The following SUGCT variants were observed in gnomAD, a reference collection of about 807,000 sequenced individuals.
The protein encoded by SUGCT is succinyl-CoA:glutarate CoA-transferase.
A neutral mutation model predicts 55.0 loss-of-function variants in SUGCT; 41 were observed. The ratio of observed to expected loss-of-function variants is 0.74; its 90% CI spans 0.58 to 0.97. SUGCT has a LOEUF of 0.97. Among genes scored for constraint, SUGCT ranks in the 50% least tolerant of loss-of-function variants. SUGCT has a pLI of 0.00. For missense variants in SUGCT, 568 were observed against 547.8 expected, an observed-to-expected ratio of 1.04 and a Z score of -0.37; for synonymous variants, 187 against 200.4, an observed-to-expected ratio of 0.93 and a Z score of 0.56.
intron 1 of SUGCT, among the ~76,000 whole-genome samples, chr7:40,135,587 A>C (rs982325928): frequency 2.6e-5 from 4 of 152,262 alleles, no homozygotes; most frequent in African/African-American, 9.6e-5. Context: ...CTACAGTGTT[A>C]TAGAACTTTC....
intron 12 of SUGCT, among the ~76,000 whole-genome samples, chr7:40,573,259 C>T (rs867099723): frequency 1.3e-5 from 2 of 152,110 alleles, no homozygotes; most frequent in African/African-American, 2.4e-5. Context: ...CAGAAGAATC[C>T]GACAGGATTT....
At chr7:41,019,793 C>G in the SUGCT span, among the ~76,000 whole-genome samples, 1 of 152,102 alleles carries the variant, frequency 6.6e-6, no homozygotes, top group Non-Finnish European at 1.5e-5. Context: ...GTGGAAGAAA[C>G]AGAACTTCAA....
intron 12 of SUGCT, chr7:40,684,090 C>G (rs1172556007): frequency 1.2e-6 from 2 of 1,612,414 alleles, no homozygotes; most frequent in Non-Finnish European, 1.7e-6. Flanking sequence ...CTGCTGCATT[C>G]CTTGGCCCAT....
At chr7:40,490,475 G>C (rs1004022300) in intron 11 of SUGCT, among the ~76,000 whole-genome samples, 42 of 152,158 alleles carry the variant, frequency 2.8e-4, no homozygotes, top group Admixed American at 2.3e-3. Flanking sequence ...CACAGTGTGT[G>C]GTGCTGTTTT....
intron 13 of SUGCT, among the ~76,000 whole-genome samples, chr7:40,766,504 T>C (rs993852393): frequency 2.6e-5 from 4 of 152,190 alleles, no homozygotes; most frequent in Admixed American, 6.5e-5. Flanking sequence ...AATATATGGA[T>C]ATTCCTGTCA....
Position 40,194,960 on chromosome 7 carries a change from G to A in SUGCT, c.384G>A (p.Val128=). ...ATCAGCTTGCAGCTGTTTGTGATGT[G>A]TTTGTGGAAAACTATGTCCCTGGCA... ...IIKELAAVCD[V]FVENYVPGKL... Residue 128 remains valine, a synonymous_variant, in exon 6 of 14, where the codon GTG becomes GTA. Transcript: ENST00000335693. The A allele has an allele frequency of 6.2e-7, 1 of 1,613,622 alleles. No individual in the cohort carries two copies. The highest frequency in any genetic ancestry group is 8.5e-7 in the Non-Finnish European group (1 of 1,179,752).
intron 13 of SUGCT, among the ~76,000 whole-genome samples, chr7:40,788,992 G>T (rs1257591982): frequency 2.0e-5 from 3 of 152,212 alleles, no homozygotes; most frequent in Non-Finnish European, 4.4e-5. Context: ...CTTCAAGTGA[G>T]CCAGGAGACA....
chr7:40,390,804 A>G (rs1785383894), intron 9 of SUGCT, among the ~76,000 whole-genome samples: 1 of 152,202 alleles, frequency 6.6e-6, no homozygotes, highest in Admixed American at 6.5e-5. Flanking sequence ...ATATGGAACC[A>G]AAAAAGAGCC....
the SUGCT span, among the ~76,000 whole-genome samples, chr7:40,995,392 T>TTAC: frequency 6.7e-6 from 1 of 149,456 alleles, no homozygotes; most frequent in African/African-American, 2.5e-5. Flanking sequence ...GTTATTATTA[T>TTAC]TATTATTATT....
At chr7:40,672,591 G>C (rs1241994567) in intron 12 of SUGCT, among the ~76,000 whole-genome samples, 1 of 152,158 alleles carries the variant, frequency 6.6e-6, no homozygotes, top group Non-Finnish European at 1.5e-5. Context: ...GGATGTGGGT[G>C]TCAAAGGGCA....
the SUGCT span, among the ~76,000 whole-genome samples, chr7:40,981,490 T>C: frequency 2.0e-5 from 3 of 152,216 alleles, no homozygotes; most frequent in Admixed American, 6.5e-5. Flanking sequence ...TCATCCATAC[T>C]CTTAGTGTTC....
intron 7 of SUGCT, among the ~76,000 whole-genome samples, chr7:40,257,272 T>C (rs1227342379): frequency 1.3e-5 from 2 of 152,182 alleles, no homozygotes; most frequent in Non-Finnish European, 2.9e-5. Flanking sequence ...GAGCATTCTA[T>C]GTAACAATTA....
intron 12 of SUGCT, among the ~76,000 whole-genome samples, chr7:40,643,937 A>C (rs559938631): frequency 6.6e-6 from 1 of 152,158 alleles, no homozygotes. Flanking sequence ...CGGGCAGGAC[A>C]TGTTCTTCTT....
chr7:40,470,290 G>A (rs1790338668), intron 11 of SUGCT, among the ~76,000 whole-genome samples: 1 of 151,992 alleles, frequency 6.6e-6, no homozygotes, highest in Non-Finnish European at 1.5e-5. Context: ...TTGCCCACTT[G>A]GGTTCTATTC....
Position 40,180,980 on chromosome 7 carries a change from A to C in SUGCT, c.134A>C (p.Lys45Thr), listed in dbSNP as rs368555179. Residue 45 changes from lysine to threonine, a missense_variant, in exon 2 of 14, where the codon AAA becomes ACA. Lys to Thr is a moderately conservative substitution (Grantham distance 78, BLOSUM62 -1). Transcript: ENST00000335693. ...AATATAAAGCCATTGGAAGGGGTAA[A>C]AATTCTGGATCTAACAAGGTTTGTA... ...MNNIKPLEGVKILDLTRVLAG... is the reference protein window; with the variant it reads ...MNNIKPLEGVTILDLTRVLAG... 4 of 1,610,816 alleles carry C rather than the reference A, an allele frequency of 2.5e-6. No homozygotes were observed. The highest frequency in any genetic ancestry group is 3.4e-6 in the Non-Finnish European group (4 of 1,177,352).
At chr7:40,321,524 A>G (rs985460652) in intron 9 of SUGCT, among the ~76,000 whole-genome samples, 1 of 151,938 alleles carries the variant, frequency 6.6e-6, no homozygotes, top group African/African-American at 2.4e-5. Flanking sequence ...CTGGGACTAT[A>G]GGCCTGTGCC....
At chr7:40,552,068 A>AT (rs1795327133) in intron 12 of SUGCT, among the ~76,000 whole-genome samples, 1 of 152,208 alleles carries the variant, frequency 6.6e-6, no homozygotes. Context: ...TTGAGAGTTC[A>AT]TAGGTCACCA....
intron 12 of SUGCT, among the ~76,000 whole-genome samples, chr7:40,747,690 C>G (rs1446549866): frequency 6.6e-6 from 1 of 152,104 alleles, no homozygotes; most frequent in Non-Finnish European, 1.5e-5. Context: ...AGGTGAAACA[C>G]AATTTATATG....
the SUGCT span, among the ~76,000 whole-genome samples, chr7:40,903,064 G>C: frequency 6.8e-6 from 1 of 146,214 alleles, no homozygotes; most frequent in Admixed American, 6.9e-5. Context: ...ACGGAGTCTT[G>C]CTCTGTCCCC....
Sources: gnomAD v4.1 joint callset for allele counts (sites outside exome capture counted in the v4.1 genomes callset) on GRCh38, gnomAD v4.1.1 for gene constraint, MANE v1.5 for transcripts, NCBI Gene and HGNC (gene_info 2026-07-23, HGNC 2026-07-21) for gene names.